GPHN: variants seen among roughly 807,000 people sequenced by gnomAD.
The protein encoded by GPHN is gephyrin.
Under a neutral mutation model 95.5 loss-of-function variants are expected in GPHN, and 17 were observed. The ratio of observed to expected loss-of-function variants is 0.18; its 90% CI spans 0.12 to 0.27. The LOEUF (loss-of-function observed/expected upper bound fraction) is 0.27, where lower values mean the gene tolerates loss of function less well. Among genes scored for constraint, GPHN ranks in the 10% least tolerant of loss-of-function variants. The probability of loss-of-function intolerance (pLI) is 1.00; values close to 1 mark genes in which losing one functional copy is unlikely to be tolerated. For missense variants in GPHN, 660 were observed against 978.1 expected (o/e 0.67, Z 4.34); for synonymous variants, 320 against 322.5 (o/e 0.99, Z 0.08).
intron 2 of GPHN, among the ~76,000 whole-genome samples, chr14:66,683,401 T>C (rs371813346): frequency 1.0e-5 from 1 of 98,554 alleles, no homozygotes; most frequent in African/African-American, 6.9e-5. Flanking sequence ...TATGTTCATA[T>C]ATATATATGT....
the GPHN span, among the ~76,000 whole-genome samples, chr14:67,359,317 G>A: frequency 7.9e-5 from 12 of 152,356 alleles, no homozygotes; most frequent in African/African-American, 2.6e-4. Context: ...CTGTAGGGCA[G>A]AGGTGGCGAC....
At chr14:67,316,510 C>T in the GPHN span, among the ~76,000 whole-genome samples, 1 of 152,080 alleles carries the variant, frequency 6.6e-6, no homozygotes, top group South Asian at 2.1e-4. Context: ...GACCTAGAAC[C>T]ATTGTAAGAT....
chr14:67,186,086 A>G (rs1470688311), downstream of GPHN, among the ~76,000 whole-genome samples: 1 of 152,194 alleles, frequency 6.6e-6, no homozygotes, highest in African/African-American at 2.4e-5. Flanking sequence ...TCGTATGGCC[A>G]GCTACCAGTA....
At chr14:67,571,913 G>A in the GPHN span, 1 of 1,599,786 alleles carries the variant, frequency 6.3e-7, no homozygotes, top group Non-Finnish European at 8.5e-7. Context: ...GTACAGAGAA[G>A]GGGAGCAGGG....
At chr14:67,555,903 G>A in the GPHN span, 2 of 1,612,130 alleles carry the variant, frequency 1.2e-6, no homozygotes, top group Admixed American at 1.7e-5. Context: ...CAGGGGAGGG[G>A]ATCGGCGGGA....
intron 4 of GPHN, among the ~76,000 whole-genome samples, chr14:66,867,714 A>C (rs1402289395): frequency 6.6e-6 from 1 of 152,186 alleles, no homozygotes; most frequent in East Asian, 1.9e-4. Context: ...TTTTTACCTA[A>C]TTTATCTCCT....
the GPHN span, chr14:67,676,970 G>A: frequency 6.6e-6 from 1 of 152,120 alleles, no homozygotes; most frequent in African/African-American, 2.4e-5. Context: ...TCCGTAAAAT[G>A]ACCATTTCTA....
intron 1 of GPHN, among the ~76,000 whole-genome samples, chr14:66,551,490 CTA>C (rs945878630): frequency 5.9e-5 from 9 of 152,156 alleles, no homozygotes; most frequent in Non-Finnish European, 1.0e-4. Context: ...ATACTGCCTC[CTA>C]TATCTAAGTC....
At chr14:67,242,633 T>G in the GPHN span, among the ~76,000 whole-genome samples, 34 of 152,300 alleles carry the variant, frequency 2.2e-4, no homozygotes, top group African/African-American at 7.9e-4. Flanking sequence ...TACGATTTTT[T>G]TTTTTTACTA....
intron 2 of GPHN, among the ~76,000 whole-genome samples, chr14:66,732,267 A>G (rs1307699544): frequency 6.6e-6 from 1 of 152,224 alleles, no homozygotes; most frequent in Non-Finnish European, 1.5e-5. Context: ...ATGAGCCTAG[A>G]AAAGCCACAG....
chr14:67,178,421 G>A (rs1024020346), intron 21 of GPHN, among the ~76,000 whole-genome samples: 87 of 152,156 alleles, frequency 5.7e-4, no homozygotes, highest in African/African-American at 2.1e-3. Context: ...GGTTTCTGCT[G>A]AGAGATCCAC....
chr14:67,098,250 C>G (rs1439167086), intron 12 of GPHN, among the ~76,000 whole-genome samples: 2 of 152,194 alleles, frequency 1.3e-5, no homozygotes, highest in African/African-American at 4.8e-5. Context: ...ACCCCCTACT[C>G]TCTCTCCAGC....
the GPHN span, among the ~76,000 whole-genome samples, chr14:67,351,034 G>A: frequency 6.6e-6 from 1 of 152,152 alleles, no homozygotes; most frequent in Non-Finnish European, 1.5e-5. Context: ...CCCTAATGGT[G>A]TATTAATTTT....
intron 1 of GPHN, among the ~76,000 whole-genome samples, chr14:66,567,526 A>C (rs7157922): frequency 0.011 from 1,665 of 152,218 alleles, 26 homozygotes; most frequent in African/African-American, 0.037. Flanking sequence ...TTCTCAGTAA[A>C]TCCTTTGAGT....
chr14:66,801,437 AG>A (rs958506741), intron 3 of GPHN, among the ~76,000 whole-genome samples: 47 of 152,296 alleles, frequency 3.1e-4, no homozygotes, highest in African/African-American at 1.1e-3. Context: ...AGACTTGTAA[AG>A]GTACCACCTT....
the GPHN span, among the ~76,000 whole-genome samples, chr14:67,512,082 T>C: frequency 2.6e-5 from 4 of 152,250 alleles, no homozygotes; most frequent in African/African-American, 7.2e-5. Context: ...CTTTATCTTA[T>C]AGCAGAAAAG....
At chr14:67,220,442 A>AG in the GPHN span, among the ~76,000 whole-genome samples, 1 of 151,088 alleles carries the variant, frequency 6.6e-6, no homozygotes. Flanking sequence ...ACCTTTTCTC[A>AG]GGAAAAAAAA....
chr14:66,880,213 A>C (rs1596258698), intron 5 of GPHN, among the ~76,000 whole-genome samples, 180 bp downstream of exon 5: 1 of 152,112 alleles, frequency 6.6e-6, no homozygotes, highest in South Asian at 2.1e-4. Flanking sequence ...AAAAAAAGTT[A>C]ATTCCATACC....
chr14:67,720,499 C>T, the GPHN span, among the ~76,000 whole-genome samples: 5 of 152,124 alleles, frequency 3.3e-5, no homozygotes, highest in Admixed American at 2.0e-4. Flanking sequence ...TTGAGGTATT[C>T]GAATTTTGGA....
Sources: gnomAD v4.1 joint callset for allele counts (sites outside exome capture counted in the v4.1 genomes callset) on GRCh38, gnomAD v4.1.1 for gene constraint, MANE v1.5 for transcripts, NCBI Gene and HGNC (gene_info 2026-07-23, HGNC 2026-07-21) for gene names.